The following PPP4R3B variants were observed in gnomAD, a reference collection of about 807,000 sequenced individuals.
PPP4R3B encodes the protein serine/threonine-protein phosphatase 4 regulatory subunit 3B.
PPP4R3B carries 52 observed loss-of-function variants against 95.4 expected under a neutral mutation model. That is an observed-to-expected ratio of 0.54 (90% CI 0.44 to 0.69). The LOEUF is 0.69. PPP4R3B is among the 30% of genes least tolerant of loss of function. PPP4R3B has a pLI of 0.00. For synonymous variants in PPP4R3B, 407 were observed against 343.9 expected (o/e 1.18, Z -2.03); for missense variants, 1,003 against 1,005.9 (o/e 1.00, Z 0.04).
chr2:55,605,904 CAAAAAAAAAAAA>C (rs35675375), intron 2 of PPP4R3B, among the ~76,000 whole-genome samples: 1 of 86,438 alleles, frequency 1.2e-5, no homozygotes, highest in South Asian at 3.6e-4. Context: ...GACTCCGTCT[CAAAAAAAAAAAA>C]AAAAAAAAGA....
intron 13 of PPP4R3B, 183 bp downstream of exon 13, chr2:55,568,011 A>C (rs1367423272): frequency 5.7e-6 from 2 of 349,294 alleles, no homozygotes; most frequent in African/African-American, 2.1e-5. Flanking sequence ...TGTGGCAAAT[A>C]AGAATTAAAA....
intron 5 of PPP4R3B, among the ~76,000 whole-genome samples, chr2:55,587,857 T>C (rs1181270576): frequency 6.6e-6 from 1 of 152,194 alleles, no homozygotes; most frequent in Non-Finnish European, 1.5e-5. Flanking sequence ...AGGCTACTAA[T>C]AAGTAACTAC....
Position 55,548,532 on chromosome 2 carries a change from G to A in PPP4R3B, c.*1379C>T, listed in dbSNP as rs1684933898. Reference sequence around the variant, plus strand: ...AAAAACTATACTTCATATCTACACAGACAGCTCATCTTTTCCAAACAATAG... The same window carrying A: ...AAAAACTATACTTCATATCTACACAAACAGCTCATCTTTTCCAAACAATAG... On this transcript the variant is annotated 3_prime_UTR_variant, in exon 17 of 17. Coordinates refer to ENST00000616407, the MANE Select transcript of PPP4R3B (RefSeq NM_001122964.3). 6.6e-6 allele frequency: 1 copy of A among 152,528 alleles called. No individual in the cohort carries two copies. The highest frequency in any genetic ancestry group is 2.4e-5 in the African/African-American group (1 of 41,414). The allele number at this position is 152,528 out of a possible 1,614,324, so 9.4% of individuals were successfully genotyped here.
At position 55,550,010 on chromosome 2, in the gene PPP4R3B, T is replaced by A. The variant is rs775867706; in HGVS notation, c.2455-4A>T. 1.3e-6 allele frequency: 2 copies of A among 1,590,150 alleles called. No individual in the cohort carries two copies. The highest frequency in any genetic ancestry group is 2.2e-5 in the East Asian group (1 of 44,542). The stretch of plus-strand genomic sequence containing the variant: ...CCACTAAGCCAACCAAACTTCCCTA[T>A]TGAAGAATTTAAAAATTTTTTCTTT... On this transcript the variant is annotated splice_region_variant and splice_polypyrimidine_tract_variant and intron_variant, in intron 16 of 16. Transcript: ENST00000616407.
At chr2:55,605,759 A>G (rs1212938285) in intron 2 of PPP4R3B, among the ~76,000 whole-genome samples, 1 of 152,094 alleles carries the variant, frequency 6.6e-6, no homozygotes, top group Non-Finnish European at 1.5e-5. Flanking sequence ...TACAAAAATT[A>G]GCTGGGCGTG....
intron 2 of PPP4R3B, among the ~76,000 whole-genome samples, chr2:55,605,625 T>C (rs1047166309): frequency 3.2e-4 from 49 of 152,080 alleles, no homozygotes; most frequent in Admixed American, 3.3e-4. Context: ...CCTTCAGTTC[T>C]GGCCAGGTGC....
At chr2:55,594,341 CA>C (rs2104402005) in intron 4 of PPP4R3B, among the ~76,000 whole-genome samples, 1 of 148,708 alleles carries the variant, frequency 6.7e-6, no homozygotes, top group Non-Finnish European at 1.5e-5. Flanking sequence ...ATTGCTGGCA[CA>C]TAAGAGATAA....
rs1687092946 is a variant in PPP4R3B at position 55,564,890 on chromosome 2, C to G, written c.2075+12G>C. 6.2e-7 allele frequency: 1 copy of G among 1,606,580 alleles called. No individual in the cohort carries two copies. Among genetic ancestry groups the G allele is most frequent in the East Asian group, 2.2e-5 (1 of 44,590 alleles). On this transcript the variant is annotated intron_variant, in intron 14 of 16. Coordinates refer to ENST00000616407, the MANE Select transcript of PPP4R3B (RefSeq NM_001122964.3). ...TTTTGTAGGCTATAAAAGCAGTATACTTAAACAATACCTGTTCAGTTTCTG... is the reference window on the plus strand; with the variant it reads ...TTTTGTAGGCTATAAAAGCAGTATAGTTAAACAATACCTGTTCAGTTTCTG...
intron 2 of PPP4R3B, among the ~76,000 whole-genome samples, chr2:55,610,981 T>C (rs1445356168): frequency 1.3e-5 from 2 of 149,914 alleles, no homozygotes; most frequent in African/African-American, 4.9e-5. Flanking sequence ...TTCTCCCACC[T>C]CAGATTCCCA....
chr2:55,587,736 T>C (rs1193709993), intron 5 of PPP4R3B, among the ~76,000 whole-genome samples: 4 of 152,188 alleles, frequency 2.6e-5, no homozygotes. Context: ...AACTCAACTC[T>C]AGCTGGGTCC....
At chr2:55,615,938 G>C (rs1364666557) in intron 1 of PPP4R3B, among the ~76,000 whole-genome samples, 5 of 120,272 alleles carry the variant, frequency 4.2e-5, no homozygotes, top group Admixed American at 2.4e-4. Context: ...TTTTTACCGA[G>C]TTGGACATCT....
At chr2:55,558,704 T>A in intron 16 of PPP4R3B, 71 bp downstream of exon 16, 1 of 1,234,446 alleles carries the variant, frequency 8.1e-7, no homozygotes, top group Non-Finnish European at 1.1e-6. Flanking sequence ...TATCCAAATT[T>A]TTTTCAGTAA....
chr2:55,578,249 TGA>T lies in PPP4R3B; in HGVS notation c.1560_1561del (p.Gln521ArgfsTer2). 2 of 1,454,700 alleles carry T rather than the reference TGA, an allele frequency of 1.4e-6. No homozygotes were observed. Among genetic ancestry groups the T allele is most frequent in the Non-Finnish European group, 1.8e-6 (2 of 1,099,422 alleles). The allele number at this position is 1,454,700 out of a possible 1,614,324, so 90.1% of individuals were successfully genotyped here. A position where few individuals can be genotyped will look rare whatever the true frequency, so the allele number is the denominator to read the frequency against. On this transcript the variant is annotated frameshift_variant, in exon 10 of 17. Coordinates refer to ENST00000616407, the MANE Select transcript of PPP4R3B (RefSeq NM_001122964.3). LOFTEE classifies it high-confidence loss of function. The stretch of plus-strand genomic sequence containing the variant: ...GATACACTCCAAATTCAGCATACCT[TGA>T]GAGATGGAGGAAGAGGGGGTAGAAT...
rs556148025 is a variant in PPP4R3B, at chr2:55,596,879, G to A, written c.921+1537C>T. 5.9e-5 allele frequency among the ~76,000 whole-genome samples: 9 copies of A among 152,140 alleles called. No individual in the cohort carries two copies. The South Asian group carries it at 1.5e-3, about 25-fold the overall frequency. The stretch of plus-strand genomic sequence containing the variant: ...CTGGGGAGGCTGAGGCAGGAGAATC[G>A]CTTGAACCCAGAAGGTGGAGGTTGC... On this transcript the variant is annotated intron_variant, in intron 4 of 16. Coordinates refer to ENST00000616407, the MANE Select transcript of PPP4R3B (RefSeq NM_001122964.3).
intron 2 of PPP4R3B, chr2:55,614,987 C>G (rs565108370): frequency 6.5e-5 from 10 of 152,986 alleles, no homozygotes; most frequent in African/African-American, 2.2e-4. Context: ...CCATTGATTA[C>G]TATATTAAAA....
At chr2:55,575,909 T>C (rs182217032) in intron 11 of PPP4R3B, among the ~76,000 whole-genome samples, 60 of 152,350 alleles carry the variant, frequency 3.9e-4, no homozygotes, top group African/African-American at 1.3e-3. Flanking sequence ...AGAATGACCA[T>C]CACATATAAA....
intron 2 of PPP4R3B, among the ~76,000 whole-genome samples, chr2:55,604,642 G>C (rs1357011579): frequency 6.6e-6 from 1 of 151,954 alleles, no homozygotes; most frequent in Non-Finnish European, 1.5e-5. Flanking sequence ...CAGTACCTTA[G>C]CTTAGGGTGT....
In PPP4R3B at chr2:55,581,548, T is replaced by C. The variant is rs1689443672; in HGVS notation, c.1365+19A>G. The C allele has an allele frequency of 6.2e-7, 1 of 1,602,066 alleles. No homozygotes were observed. Among genetic ancestry groups the C allele is most frequent in the African/African-American group, 1.3e-5 (1 of 74,498 alleles). On this transcript the variant is annotated intron_variant, in intron 8 of 16. Transcript: ENST00000616407. ...AACTGACTAGGCCAAAACATTTTTA[T>C]CTCAGAGTAATTTCTTACATTAGTT...
At chr2:55,564,552 T>C (rs72803544) in intron 14 of PPP4R3B, 55 bp from the exon 15 acceptor site, 70,525 of 1,460,006 alleles carry the variant, frequency 0.048, 2,084 homozygotes, top group South Asian at 0.098. Context: ...ATCATCAGAT[T>C]GAACTGAAGG....
Sources: allele counts gnomAD v4.1 joint callset (sites outside exome capture counted in the v4.1 genomes callset), GRCh38; gene constraint gnomAD v4.1.1; transcripts MANE v1.5; gene names NCBI Gene and HGNC (gene_info 2026-07-23, HGNC 2026-07-21).